Variants in SGPP1 observed in about 807,000 individuals in gnomAD.
The protein encoded by SGPP1 is hSPP1.
In SGPP1, 21 loss-of-function variants were observed where a neutral mutation model predicts 33.0. The observed-to-expected ratio is 0.64, with a 90% confidence interval of 0.45 to 0.92. SGPP1 has a LOEUF of 0.92. SGPP1 is among the 40% of genes least tolerant of loss of function. The pLI is 0.00. For synonymous variants in SGPP1, 239 were observed against 241.2 expected, an observed-to-expected ratio of 0.99 and a Z score of 0.08; for missense variants, 543 against 589.4, an observed-to-expected ratio of 0.92 and a Z score of 0.81.
intron 1 of SGPP1, among the ~76,000 whole-genome samples, chr14:63,718,074 T>C (rs1278450394): frequency 6.6e-6 from 1 of 151,912 alleles, no homozygotes; most frequent in African/African-American, 2.4e-5. Context: ...AGTGAAACCC[T>C]ATCTCTACTA....
chr14:63,720,831 CAA>C (rs1432996341), intron 1 of SGPP1, among the ~76,000 whole-genome samples: 1 of 152,128 alleles, frequency 6.6e-6, no homozygotes, highest in East Asian at 1.9e-4. Flanking sequence ...GGAAGCTAAA[CAA>C]GAGATGTCTA....
chr14:63,718,931 G>C (rs1885687118), intron 1 of SGPP1, among the ~76,000 whole-genome samples: 1 of 119,680 alleles, frequency 8.4e-6, no homozygotes, highest in Non-Finnish European at 1.6e-5. Context: ...AAATTACTTT[G>C]TCATCTGTAA....
chr14:63,700,339 A>C (rs1224514782), intron 1 of SGPP1, among the ~76,000 whole-genome samples: 1 of 152,130 alleles, frequency 6.6e-6, no homozygotes, highest in East Asian at 1.9e-4. Flanking sequence ...CTATACCTCA[A>C]ACCAAACTCA....
At chr14:63,719,662 G>A (rs1885727163) in intron 1 of SGPP1, among the ~76,000 whole-genome samples, 1 of 151,768 alleles carries the variant, frequency 6.6e-6, no homozygotes, top group Admixed American at 6.6e-5. Context: ...TAATATATTG[G>A]AACAGCATGC....
chr14:63,698,531 T>C (rs1885233704), intron 2 of SGPP1, 38 bp downstream of exon 2: 2 of 1,178,398 alleles, frequency 1.7e-6, no homozygotes, highest in South Asian at 1.5e-5. Context: ...GTCAATGTCA[T>C]AAAAAATAAA....
At chr14:63,693,541 A>G (rs887698013) in intron 2 of SGPP1, among the ~76,000 whole-genome samples, 1 of 152,268 alleles carries the variant, frequency 6.6e-6, no homozygotes, top group Non-Finnish European at 1.5e-5. Flanking sequence ...CTATTTATAT[A>G]AAGCCATACA....
At chr14:63,727,068 G>A (rs930348258) in intron 1 of SGPP1, among the ~76,000 whole-genome samples, 193 bp downstream of exon 1, 7 of 152,138 alleles carry the variant, frequency 4.6e-5, no homozygotes, top group Non-Finnish European at 8.8e-5. Flanking sequence ...AGAATTCAAC[G>A]GCTAAGTATC....
chr14:63,719,002 ATATATATATATATTTTTTTTTTTT>A (rs1433210771), intron 1 of SGPP1, among the ~76,000 whole-genome samples: 56 of 23,376 alleles, frequency 2.4e-3, no homozygotes, highest in African/African-American at 0.013. Flanking sequence ...ATATATATAT[ATATATATATATATTTTTTTTTTTT>A]TTTTTTTTTT....
chr14:63,724,731 G>T (rs566686719), intron 1 of SGPP1, among the ~76,000 whole-genome samples: 1 of 151,404 alleles, frequency 6.6e-6, no homozygotes, highest in South Asian at 2.1e-4. Context: ...ATGAGCGGGG[G>T]GCGGCTAATT....
chr14:63,722,801 A>G (rs1203172073), intron 1 of SGPP1, among the ~76,000 whole-genome samples: 1 of 151,708 alleles, frequency 6.6e-6, no homozygotes, highest in African/African-American at 2.4e-5. Context: ...CCCCGTCTCT[A>G]TAACAAACAA....
chr14:63,726,445 TAA>T (rs748705454), intron 1 of SGPP1, among the ~76,000 whole-genome samples: 1 of 145,364 alleles, frequency 6.9e-6, no homozygotes, highest in Non-Finnish European at 1.5e-5. Context: ...CAGAGAGGGT[TAA>T]AAAAAAAAAA....
Position 63,727,867 on chromosome 14 carries a change from C to G in SGPP1, c.78G>C (p.Leu26=). The G allele has an allele frequency of 6.6e-7, 1 of 1,522,110 alleles. No individual in the cohort carries two copies. The highest frequency in any genetic ancestry group is 8.8e-7 in the Non-Finnish European group (1 of 1,141,332). The allele number at this position is 1,522,110 out of a possible 1,614,324, so 94.3% of individuals were successfully genotyped here. The change falls in exon 1 of 3, where the codon CTG becomes CTC. Residue 26 remains leucine (L), a synonymous_variant. Transcript: ENST00000247225. ...GGCGCGGCGGCGCTTCCACCCCGCA[C>G]AGCCGCTGGAAACGGGCCACTTTCT... ...DPQKVARFQR[L]CGVEAPPRRS... is the part of the protein sequence containing the mutation.
chr14:63,719,008 ATATATATTTTTTTTTTTTTTTT>A (rs1397032493), intron 1 of SGPP1, among the ~76,000 whole-genome samples: 10 of 24,246 alleles, frequency 4.1e-4, no homozygotes, highest in African/African-American at 2.0e-3. Context: ...ATATATATAT[ATATATATTTTTTTTTTTTTTTT>A]TTTTTTTTTT....
In SGPP1 at chr14:63,684,293, A is replaced by G. The variant is rs946053112; in HGVS notation, c.*1812T>C. 2.0e-5 allele frequency: 3 copies of G among 152,154 alleles called. No homozygotes were observed. Among genetic ancestry groups the G allele is most frequent in the Non-Finnish European group, 2.9e-5 (2 of 67,966 alleles). The allele number at this position is 152,154 out of a possible 1,614,324, so 9.4% of individuals were successfully genotyped here. On this transcript the variant is annotated 3_prime_UTR_variant, in exon 3 of 3. Transcript: ENST00000247225. ...ATAGGACAGAAAATAATAAAACACA[A>G]ATGGAACATTTTCAAATACCTTTTA...
chr14:63,720,217 C>A (rs1370409077), intron 1 of SGPP1, among the ~76,000 whole-genome samples: 2 of 149,816 alleles, frequency 1.3e-5, no homozygotes, highest in African/African-American at 4.9e-5. Context: ...CATTTGAGCC[C>A]AGGAGATTGA....
intron 1 of SGPP1, among the ~76,000 whole-genome samples, chr14:63,724,506 G>C (rs1342211709): frequency 6.6e-6 from 1 of 150,870 alleles, no homozygotes; most frequent in Non-Finnish European, 1.5e-5. Context: ...TAGGGGAAAG[G>C]CTTTCTATAT....
intron 1 of SGPP1, among the ~76,000 whole-genome samples, chr14:63,704,690 G>T (rs1222917922): frequency 6.6e-6 from 1 of 151,836 alleles, no homozygotes; most frequent in Non-Finnish European, 1.5e-5. Flanking sequence ...TCTCAATAAA[G>T]AAAGAAAATC....
intron 1 of SGPP1, among the ~76,000 whole-genome samples, chr14:63,726,686 C>T (rs368427508): frequency 2.0e-5 from 3 of 152,280 alleles, no homozygotes; most frequent in Admixed American, 6.5e-5. Flanking sequence ...CAACCACACC[C>T]CTTAAAAACA....
chr14:63,697,854 G>T (rs186624344), intron 2 of SGPP1, among the ~76,000 whole-genome samples: 1 of 152,198 alleles, frequency 6.6e-6, no homozygotes, highest in East Asian at 1.9e-4. Flanking sequence ...GTATAGCATC[G>T]TATTTGTGTT....
Sources: allele counts gnomAD v4.1 joint callset (sites outside exome capture counted in the v4.1 genomes callset), GRCh38; gene constraint gnomAD v4.1.1; transcripts MANE v1.5; gene names NCBI Gene and HGNC (gene_info 2026-07-23, HGNC 2026-07-21).